PDGFD: variants seen among roughly 807,000 people sequenced by gnomAD.
PDGFD encodes platelet-derived growth factor D.
Under a neutral mutation model 44.7 loss-of-function variants are expected in PDGFD, and 30 were observed. The ratio of observed to expected loss-of-function variants is 0.67; its 90% CI spans 0.50 to 0.91. The LOEUF (loss-of-function observed/expected upper bound fraction) is 0.91. PDGFD is among the 40% of genes least tolerant of loss of function. PDGFD has a pLI of 0.00. For synonymous variants in PDGFD, 173 were observed against 168.4 expected, an observed-to-expected ratio of 1.03 and a Z score of -0.21; for missense variants, 445 against 457.8, an observed-to-expected ratio of 0.97 and a Z score of 0.25.
intron 2 of PDGFD, among the ~76,000 whole-genome samples, chr11:103,999,218 T>C (rs933819129): frequency 1.3e-5 from 2 of 152,186 alleles, no homozygotes; most frequent in Admixed American, 1.3e-4. Context: ...GGCCCCTCTT[T>C]TTATTATTCA....
At chr11:103,920,498 T>G (rs1858197893) in intron 6 of PDGFD, among the ~76,000 whole-genome samples, 1 of 152,100 alleles carries the variant, frequency 6.6e-6, no homozygotes, top group African/African-American at 2.4e-5. Flanking sequence ...GCTTGGGGAG[T>G]ACCTTGCCCC....
chr11:103,991,071 G>A (rs61904886), intron 3 of PDGFD, among the ~76,000 whole-genome samples: 1,837 of 151,888 alleles, frequency 0.012, 14 homozygotes, highest in South Asian at 0.042. Context: ...CCCAGGAGAC[G>A]GAGCTTGCAG....
chr11:104,107,596 T>C (rs749922414), intron 1 of PDGFD, among the ~76,000 whole-genome samples: 2 of 152,174 alleles, frequency 1.3e-5, no homozygotes, highest in Non-Finnish European at 2.9e-5. Context: ...CAAAAGTCAA[T>C]GTAAACTAAA....
At chr11:104,139,213 T>C (rs1862050247) in intron 1 of PDGFD, among the ~76,000 whole-genome samples, 1 of 152,182 alleles carries the variant, frequency 6.6e-6, no homozygotes, top group Non-Finnish European at 1.5e-5. Context: ...AGAGGCATTA[T>C]GGAGTAAGAA....
At chr11:104,028,900 T>C (rs1860085965) in intron 1 of PDGFD, among the ~76,000 whole-genome samples, 1 of 152,156 alleles carries the variant, frequency 6.6e-6, no homozygotes, top group African/African-American at 2.4e-5. Flanking sequence ...CTATCTTCTT[T>C]CTCTTCAGCA....
chr11:103,972,055 C>T (rs117977647), intron 3 of PDGFD, among the ~76,000 whole-genome samples: 109 of 152,282 alleles, frequency 7.2e-4, no homozygotes, highest in Middle Eastern at 3.4e-3. Context: ...CCTGTTGCTC[C>T]TAATTCTCTT....
At chr11:103,952,904 G>A (rs1858780202) in intron 3 of PDGFD, among the ~76,000 whole-genome samples, 1 of 152,028 alleles carries the variant, frequency 6.6e-6, no homozygotes, top group Non-Finnish European at 1.5e-5. Context: ...TTAAGCTTTG[G>A]AACATAGATA....
At chr11:104,030,200 A>T (rs1302437128) in intron 1 of PDGFD, among the ~76,000 whole-genome samples, 1 of 152,220 alleles carries the variant, frequency 6.6e-6, no homozygotes, top group Non-Finnish European at 1.5e-5. Flanking sequence ...AACTTCAAAA[A>T]ACTCTGAAAT....
At chr11:104,145,543 T>C (rs537709559) in intron 1 of PDGFD, among the ~76,000 whole-genome samples, 1 of 152,350 alleles carries the variant, frequency 6.6e-6, no homozygotes, top group Non-Finnish European at 1.5e-5. Context: ...ATAAGTTACA[T>C]CCATAATTTA....
chr11:104,149,358 T>C (rs891980399), intron 1 of PDGFD, among the ~76,000 whole-genome samples: 5 of 152,146 alleles, frequency 3.3e-5, no homozygotes, highest in East Asian at 3.8e-4. Flanking sequence ...AACTTCTAAA[T>C]AAAGACCAAA....
At chr11:104,103,152 C>T (rs1410219528) in intron 1 of PDGFD, among the ~76,000 whole-genome samples, 1 of 152,090 alleles carries the variant, frequency 6.6e-6, no homozygotes, top group African/African-American at 2.4e-5. Flanking sequence ...TAGTTTTCCC[C>T]ATTTGTAAAG....
intron 3 of PDGFD, among the ~76,000 whole-genome samples, chr11:103,971,405 C>T (rs1019634796): frequency 6.6e-6 from 1 of 152,114 alleles, no homozygotes; most frequent in African/African-American, 2.4e-5. Context: ...TATTAGAAGT[C>T]TTCTCTTTTA....
chr11:103,925,716 C>CACACACATATATATATATAT (rs1198529368), intron 6 of PDGFD, among the ~76,000 whole-genome samples: 2 of 122,760 alleles, frequency 1.6e-5, no homozygotes, highest in South Asian at 2.7e-4. Flanking sequence ...CACACACACA[C>CACACACATATATATATATAT]ATATATATAT....
At chr11:103,983,961 G>A (rs1206939721) in intron 3 of PDGFD, among the ~76,000 whole-genome samples, 1 of 151,650 alleles carries the variant, frequency 6.6e-6, no homozygotes, top group African/African-American at 2.4e-5. Context: ...CGGTGGAAGT[G>A]TAAATCAGTT....
intron 3 of PDGFD, among the ~76,000 whole-genome samples, chr11:103,956,746 T>C (rs1391776923): frequency 7.9e-5 from 12 of 152,120 alleles, no homozygotes; most frequent in Admixed American, 5.9e-4. Flanking sequence ...TTTTTAATGA[T>C]TGCCATTCTA....
intron 3 of PDGFD, among the ~76,000 whole-genome samples, chr11:103,993,575 T>C (rs1285436306): frequency 2.0e-5 from 3 of 152,100 alleles, no homozygotes. Flanking sequence ...GTTTCAAGCC[T>C]GGTCTCTTAA....
chr11:104,095,934 A>T (rs1861279402), intron 1 of PDGFD, among the ~76,000 whole-genome samples: 1 of 152,314 alleles, frequency 6.6e-6, no homozygotes, highest in East Asian at 1.9e-4. Flanking sequence ...TCTGAAGCAG[A>T]TTATTCCACA....
At chr11:103,921,865 T>C (rs1194444242) in intron 6 of PDGFD, among the ~76,000 whole-genome samples, 2 of 151,166 alleles carry the variant, frequency 1.3e-5, no homozygotes, top group African/African-American at 2.4e-5. Flanking sequence ...TAATTTAAAT[T>C]TCAATTAGTT....
chr11:103,942,723 A>T (rs1483405386), intron 5 of PDGFD, among the ~76,000 whole-genome samples: 1 of 152,140 alleles, frequency 6.6e-6, no homozygotes, highest in Non-Finnish European at 1.5e-5. Context: ...TCCTGCCAAC[A>T]CTGACATCCC....
Sources: allele counts gnomAD v4.1 joint callset (sites outside exome capture counted in the v4.1 genomes callset), GRCh38; gene constraint gnomAD v4.1.1; transcripts MANE v1.5; gene names NCBI Gene and HGNC (gene_info 2026-07-23, HGNC 2026-07-21).